Variants in ADGRL2 observed in about 807,000 individuals in gnomAD.
ADGRL2 encodes the protein adhesion G protein-coupled receptor L2, also known as calcium-independent alpha-latrotoxin receptor 2.
In ADGRL2, 44 loss-of-function variants were observed where a neutral mutation model predicts 157.4. The observed-to-expected ratio is 0.28, with a 90% CI of 0.22 to 0.36. The LOEUF (loss-of-function observed/expected upper bound fraction) is 0.36. Among genes scored for constraint, ADGRL2 ranks in the 10% least tolerant of loss-of-function variants. The pLI is 1.00. For synonymous variants in ADGRL2, 585 were observed against 624.7 expected (o/e 0.94, Z 0.95); for missense variants, 1,510 against 1,768.9 (o/e 0.85, Z 2.63).
At chr1:81,415,661 C>A (rs989116532) in intron 1 of ADGRL2, among the ~76,000 whole-genome samples, 5 of 152,118 alleles carry the variant, frequency 3.3e-5, no homozygotes, top group Admixed American at 1.3e-4. Context: ...GCGAGTATGA[C>A]CCAAATCAGA....
At chr1:81,839,482 C>T (rs990891798) in intron 2 of ADGRL2, among the ~76,000 whole-genome samples, 7 of 151,822 alleles carry the variant, frequency 4.6e-5, no homozygotes, top group African/African-American at 7.3e-5. Flanking sequence ...ACCCATCACC[C>T]GAGCAGTATA....
chr1:81,985,628 G>A (rs1662926866), intron 21 of ADGRL2, among the ~76,000 whole-genome samples: 1 of 151,678 alleles, frequency 6.6e-6, no homozygotes. Flanking sequence ...CAGTACCATG[G>A]AAATTATGAA....
At chr1:81,729,143 T>A (rs1468081875) in intron 1 of ADGRL2, among the ~76,000 whole-genome samples, 1 of 150,718 alleles carries the variant, frequency 6.6e-6, no homozygotes, top group Non-Finnish European at 1.5e-5. Context: ...AACTTGAGTA[T>A]ACAATTTAAA....
At chr1:81,673,581 C>A (rs2082920070) in intron 3 of ADGRL2, among the ~76,000 whole-genome samples, 1 of 139,486 alleles carries the variant, frequency 7.2e-6, no homozygotes, top group South Asian at 2.3e-4. Context: ...GTGGCGCGAT[C>A]TCGGCTCACT....
At chr1:81,577,396 G>A (rs932747297) in intron 2 of ADGRL2, among the ~76,000 whole-genome samples, 11 of 152,110 alleles carry the variant, frequency 7.2e-5, no homozygotes, top group African/African-American at 1.2e-4. Context: ...TCCCACAAAG[G>A]TCTTCTCTGT....
chr1:81,511,395 A>AGC (rs1225019510), intron 2 of ADGRL2, among the ~76,000 whole-genome samples: 2,080 of 118,716 alleles, frequency 0.018, 29 homozygotes, highest in Non-Finnish European at 0.026. Flanking sequence ...AAAAAAAAAA[A>AGC]GCGCGCACAC....
intron 2 of ADGRL2, among the ~76,000 whole-genome samples, chr1:81,789,509 C>T (rs1001508197): frequency 2.6e-5 from 4 of 151,864 alleles, no homozygotes; most frequent in African/African-American, 9.7e-5. Flanking sequence ...GGGCAGATCA[C>T]GAGGTCAGGA....
chr1:81,380,392 G>C (rs569092522), intron 1 of ADGRL2, among the ~76,000 whole-genome samples: 37 of 152,106 alleles, frequency 2.4e-4, no homozygotes, highest in African/African-American at 7.0e-4. Flanking sequence ...AAATTTATTC[G>C]CATTTTTATG....
intron 2 of ADGRL2, chr1:81,503,477 G>A: frequency 1.2e-6 from 2 of 1,610,960 alleles, no homozygotes; most frequent in South Asian, 1.1e-5. Context: ...TGATGGGCAG[G>A]ACCCAGCTTT....
At chr1:81,518,707 G>A (rs1365412703) in intron 2 of ADGRL2, among the ~76,000 whole-genome samples, 2 of 151,894 alleles carry the variant, frequency 1.3e-5, no homozygotes, top group East Asian at 1.9e-4. Flanking sequence ...CATAATAATG[G>A]CATTTAGGCT....
chr1:81,324,315 G>A (rs1188217035), intron 1 of ADGRL2, among the ~76,000 whole-genome samples: 1 of 149,328 alleles, frequency 6.7e-6, no homozygotes, highest in East Asian at 2.0e-4. Flanking sequence ...AGCAGCCCAG[G>A]CAATATGGCA....
chr1:81,872,193 T>C (rs918390137), intron 2 of ADGRL2, among the ~76,000 whole-genome samples: 1 of 152,086 alleles, frequency 6.6e-6, no homozygotes, highest in Admixed American at 6.6e-5. Flanking sequence ...ATAGGGAATC[T>C]TTTCTCCATT....
At chr1:81,597,247 T>C (rs569283012) in intron 3 of ADGRL2, among the ~76,000 whole-genome samples, 1 of 152,372 alleles carries the variant, frequency 6.6e-6, no homozygotes, top group East Asian at 1.9e-4. Flanking sequence ...CCTGTGATAC[T>C]GATTCTCTAC....
intron 1 of ADGRL2, among the ~76,000 whole-genome samples, chr1:81,748,467 C>CAAAAAAA (rs973818702): frequency 7.6e-4 from 32 of 42,382 alleles, no homozygotes; most frequent in East Asian, 8.7e-4. Context: ...GATTCCGTCT[C>CAAAAAAA]AAAAAAAAAA....
chr1:81,509,221 A>C (rs565206057), intron 2 of ADGRL2, among the ~76,000 whole-genome samples: 10 of 152,252 alleles, frequency 6.6e-5, no homozygotes, highest in African/African-American at 2.2e-4. Flanking sequence ...GCCTGCTAGT[A>C]ATTCTGATAC....
At chr1:81,815,079 C>A (rs2090258876) in intron 1 of ADGRL2, among the ~76,000 whole-genome samples, 1 of 151,658 alleles carries the variant, frequency 6.6e-6, no homozygotes, top group African/African-American at 2.4e-5. Context: ...ATTGCTAAAA[C>A]TATTTTTTTT....
intron 2 of ADGRL2, among the ~76,000 whole-genome samples, chr1:81,778,875 A>T (rs1259220640): frequency 6.6e-6 from 1 of 152,230 alleles, no homozygotes; most frequent in African/African-American, 2.4e-5. Flanking sequence ...TTAGCTCTAC[A>T]CGTTTGTAGT....
chr1:81,388,594 T>C (rs757943524), intron 1 of ADGRL2, among the ~76,000 whole-genome samples: 1 of 152,080 alleles, frequency 6.6e-6, no homozygotes, highest in African/African-American at 2.4e-5. Context: ...TGGGAGGTGA[T>C]GAGTGAATGT....
intron 2 of ADGRL2, among the ~76,000 whole-genome samples, chr1:81,885,998 A>G (rs1191373724): frequency 6.6e-6 from 1 of 152,204 alleles, no homozygotes; most frequent in East Asian, 1.9e-4. Flanking sequence ...ATGGTAATCA[A>G]TGCTTACTAG....
Sources: allele counts gnomAD v4.1 joint callset (sites outside exome capture counted in the v4.1 genomes callset), GRCh38; gene constraint gnomAD v4.1.1; transcripts MANE v1.5; gene names NCBI Gene and HGNC (gene_info 2026-07-23, HGNC 2026-07-21).